Variants in C1orf198 observed in about 807,000 individuals in gnomAD.
The protein encoded by C1orf198 is uncharacterized protein C1orf198.
Under a neutral mutation model 31.4 loss-of-function variants are expected in C1orf198, and 17 were observed. The observed-to-expected ratio is 0.54, with a 90% CI of 0.37 to 0.81. The LOEUF is 0.81. C1orf198 is among the 40% of genes least tolerant of loss of function. The probability of loss-of-function intolerance (pLI) is 0.00; values close to 1 mark genes in which losing one functional copy is unlikely to be tolerated. For missense variants in C1orf198, 401 were observed against 450.3 expected (o/e 0.89, Z 0.99); for synonymous variants, 175 against 193.8 (o/e 0.90, Z 0.81).
intron 1 of C1orf198, among the ~76,000 whole-genome samples, chr1:230,864,217 A>G (rs925941860): frequency 1.3e-5 from 2 of 152,194 alleles, no homozygotes; most frequent in Non-Finnish European, 2.9e-5. Flanking sequence ...TTTGTAATAA[A>G]TTGGTTTATT....
At chr1:230,850,630 A>G (rs1669715772) in intron 2 of C1orf198, among the ~76,000 whole-genome samples, 1 of 152,032 alleles carries the variant, frequency 6.6e-6, no homozygotes, top group South Asian at 2.1e-4. Context: ...GAGCAGGGGC[A>G]CACAGGGGTC....
Position 230,843,702 on chromosome 1 carries a change from G to T in C1orf198, c.579C>A (p.Ile193=). Reference sequence around the variant, plus strand: ...CCTCCCCTCGGGACCGCTCAGCATTGATCTTCCAGAATGACGCTTCCTCCT... The same window carrying T: ...CCTCCCCTCGGGACCGCTCAGCATTTATCTTCCAGAATGACGCTTCCTCCT... ...RKEEEASFWK[I]NAERSRGEGP... is the part of the protein sequence containing the mutation. Residue 193 remains isoleucine, a synonymous_variant, in exon 3 of 4, where the codon ATC becomes ATA. Transcript: ENST00000366663. This position sits in a 1 kb window ranked among gnomAD's most constrained non-coding sequence, Gnocchi z 4.9. 6.2e-7 allele frequency: 1 copy of T among 1,614,218 alleles called. No individual in the cohort carries two copies.
chr1:230,843,313 G>T lies in C1orf198; in HGVS notation c.927+41C>A, dbSNP rs762426037. Reference sequence around the variant, plus strand: ...ACCCTCTCGGTTCCCGTGGAATAAGGCACCATCCCATCTGAGGACGCGCTG... The same window carrying T: ...ACCCTCTCGGTTCCCGTGGAATAAGTCACCATCCCATCTGAGGACGCGCTG... On this transcript the variant is annotated intron_variant, in intron 3 of 3. Transcript: ENST00000366663. The surrounding 1 kb of genome is among the most constrained non-coding windows in gnomAD (Gnocchi z 4.9). The T allele has an allele frequency of 1.9e-6, 3 of 1,545,244 alleles. No homozygotes were observed. Among genetic ancestry groups the T allele is most frequent in the African/African-American group, 1.4e-5 (1 of 73,034 alleles).
intron 1 of C1orf198, among the ~76,000 whole-genome samples, chr1:230,865,163 C>T (rs1391431839): frequency 6.6e-6 from 1 of 152,222 alleles, no homozygotes; most frequent in East Asian, 1.9e-4. Flanking sequence ...TTGGTTCTGC[C>T]ACCAGACTTC....
At chr1:230,855,920 C>T in intron 1 of C1orf198, 1 of 1,341,688 alleles carries the variant, frequency 7.5e-7, no homozygotes, top group Non-Finnish European at 9.6e-7. Flanking sequence ...GCTGAGGCTG[C>T]CAGACACTCC....
chr1:230,860,868 A>G (rs1035910761), intron 1 of C1orf198, among the ~76,000 whole-genome samples: 2 of 152,238 alleles, frequency 1.3e-5, no homozygotes, highest in African/African-American at 4.8e-5. Flanking sequence ...AAAAGTGGTT[A>G]AAACGGTAAA....
chr1:230,839,511 T>C lies in C1orf198; in HGVS notation c.*341A>G, dbSNP rs1047732952. ...TGGAGAAGGAGATGGAAATCACTTA[T>C]ATGATTTTTGTGACATGGTTGAAAC... On this transcript the variant is annotated 3_prime_UTR_variant, in exon 4 of 4. Transcript: ENST00000366663. The C allele has an allele frequency of 9.4e-5, 23 of 244,574 alleles. No homozygotes were observed. Among genetic ancestry groups the C allele is most frequent in the Non-Finnish European group, 1.5e-4 (20 of 130,092 alleles). 15.2% of individuals were successfully genotyped at this position (244,574 alleles called of 1,614,324 possible).
At chr1:230,845,443 GGAGGC>G (rs757818753) in intron 2 of C1orf198, among the ~76,000 whole-genome samples, 68 of 152,074 alleles carry the variant, frequency 4.5e-4, no homozygotes, top group Non-Finnish European at 6.2e-4. Flanking sequence ...CAGCATTTTG[GGAGGC>G]GAGGCAGGCG....
chr1:230,850,040 C>T (rs1468484270), intron 2 of C1orf198, among the ~76,000 whole-genome samples: 2 of 152,178 alleles, frequency 1.3e-5, no homozygotes, highest in Non-Finnish European at 2.9e-5. Flanking sequence ...TGAGGCCCAA[C>T]AGGAAATGGG....
intron 2 of C1orf198, among the ~76,000 whole-genome samples, chr1:230,852,017 TGTA>T: frequency 6.6e-6 from 1 of 152,326 alleles, no homozygotes; most frequent in South Asian, 2.1e-4. Context: ...CTTACCCTTG[TGTA>T]GGTAGATTCG....
intron 2 of C1orf198, among the ~76,000 whole-genome samples, chr1:230,845,155 C>T (rs6671406): frequency 0.075 from 11,236 of 150,546 alleles, 1,369 homozygotes; most frequent in African/African-American, 0.26. Context: ...TCGCTTGAGC[C>T]CAGTTTGAGA....
At chr1:230,844,667 C>G (rs982871364) in intron 2 of C1orf198, among the ~76,000 whole-genome samples, 1 of 152,154 alleles carries the variant, frequency 6.6e-6, no homozygotes, top group African/African-American at 2.4e-5. Flanking sequence ...ACCTTCCTGG[C>G]AGGTGACGAC....
chr1:230,858,842 A>T (rs1200474170), intron 1 of C1orf198, among the ~76,000 whole-genome samples: 2 of 152,346 alleles, frequency 1.3e-5, no homozygotes, highest in African/African-American at 4.8e-5. Context: ...CAACACTCTG[A>T]GGAACGAAGA....
Position 230,838,381 on chromosome 1 carries a change from T to G in C1orf198, c.*1471A>C, listed in dbSNP as rs1669357047. 1 of 152,616 alleles carries G rather than the reference T, an allele frequency of 6.6e-6. No homozygotes were observed. The highest frequency in any genetic ancestry group is 2.4e-5 in the African/African-American group (1 of 41,438). The allele number at this position is 152,616 out of a possible 1,614,324, so 9.5% of individuals were successfully genotyped here. ...AATTGGCAAGAACCAAATCAAAAGT[T>G]GGCTATGCCACAGCTTTGGCAGAAA... On this transcript the variant is annotated 3_prime_UTR_variant, in exon 4 of 4. Transcript: ENST00000366663. This position sits in a 1 kb window ranked among gnomAD's most constrained non-coding sequence, Gnocchi z 4.2.
intron 3 of C1orf198, among the ~76,000 whole-genome samples, chr1:230,842,665 C>T (rs544945566): frequency 6.6e-6 from 1 of 151,336 alleles, no homozygotes; most frequent in Non-Finnish European, 1.5e-5. Flanking sequence ...GATGGGTGCA[C>T]CAAAATCTCA....
In C1orf198 at chr1:230,868,517, G is replaced by A. The variant is rs763926153; in HGVS notation, c.-5C>T. ...CGCCGCCGCCATGGACGCCATGCCC[G>A]GCCTGCCCGCCGCTCCCGGCCCGCG... On this transcript the variant is annotated 5_prime_UTR_variant, in exon 1 of 4. Coordinates refer to ENST00000366663, the MANE Select transcript of C1orf198 (RefSeq NM_032800.3). The A allele has an allele frequency of 8.5e-5, 114 of 1,335,016 alleles. No homozygotes were observed. The East Asian group carries it at 3.4e-3, about 40-fold the overall frequency. The allele number at this position is 1,335,016 out of a possible 1,614,324, so 82.7% of individuals were successfully genotyped here.
chr1:230,864,578 T>C (rs1670073767), intron 1 of C1orf198, among the ~76,000 whole-genome samples: 1 of 152,152 alleles, frequency 6.6e-6, no homozygotes, highest in East Asian at 1.9e-4. Context: ...TCCGGGTTCT[T>C]TAAAAATCCA....
rs1162666211 is a variant in C1orf198 at position 230,840,308 on chromosome 1, A to G, written c.928-400T>C. On this transcript the variant is annotated intron_variant, in intron 3 of 3. Transcript: ENST00000366663. The surrounding 1 kb of genome is among the most constrained non-coding windows in gnomAD (Gnocchi z 4.0). ...TATAAAACAAACATCACACACAAAC[A>G]CAACAAAAAAGAACTTGTAAAGTTG... 6.6e-6 allele frequency among the ~76,000 whole-genome samples: 1 copy of G among 152,236 alleles called. No individual in the cohort carries two copies. Among genetic ancestry groups the G allele is most frequent in the Non-Finnish European group, 1.5e-5 (1 of 68,046 alleles).
At chr1:230,848,240 G>C (rs1669644197) in intron 2 of C1orf198, among the ~76,000 whole-genome samples, 1 of 152,200 alleles carries the variant, frequency 6.6e-6, no homozygotes, top group Non-Finnish European at 1.5e-5. Flanking sequence ...CTATGGGGAA[G>C]ACAAGAACTT....
Sources: allele counts gnomAD v4.1 joint callset (sites outside exome capture counted in the v4.1 genomes callset), GRCh38; gene constraint gnomAD v4.1.1; non-coding constraint Gnocchi (gnomAD v3.1); transcripts MANE v1.5; gene names NCBI Gene and HGNC (gene_info 2026-07-23, HGNC 2026-07-21).